LINGO1: variants seen among roughly 807,000 people sequenced by gnomAD.
LINGO1 encodes leucine rich repeat and Ig domain containing 1, also known as leucine-rich repeat and immunoglobulin-like domain-containing nogo receptor-interacting protein 1.
In LINGO1, 11 loss-of-function variants were observed where a neutral mutation model predicts 37.3. The ratio of observed to expected loss-of-function variants is 0.29; its 90% CI spans 0.19 to 0.49. The LOEUF is 0.49. LINGO1 is among the 20% of genes least tolerant of loss of function. The pLI, the probability that LINGO1 is intolerant of heterozygous loss-of-function variation, is 0.99. For synonymous variants in LINGO1, 387 were observed against 403.0 expected (o/e 0.96, Z 0.48); for missense variants, 585 against 878.2 (o/e 0.67, Z 4.22).
chr15:77,707,781 G>A (rs2075870396), intron 2 of LINGO1, among the ~76,000 whole-genome samples: 2 of 152,164 alleles, frequency 1.3e-5, no homozygotes, highest in Non-Finnish European at 2.9e-5. Context: ...CCCTGGGGAA[G>A]GCTCTGACCA....
chr15:77,709,456 G>A (rs1033804096), intron 2 of LINGO1, among the ~76,000 whole-genome samples: 51 of 152,240 alleles, frequency 3.3e-4, no homozygotes, highest in African/African-American at 1.2e-3. Flanking sequence ...GCACAAAGTG[G>A]CCAGTCAGGG....
chr15:77,614,548 C>A lies in LINGO1; in HGVS notation c.1359G>T (p.Pro453=). 1 of 1,609,992 alleles carries A rather than the reference C, an allele frequency of 6.2e-7. No individual in the cohort carries two copies. The highest frequency in any genetic ancestry group is 8.5e-7 in the Non-Finnish European group (1 of 1,179,232). ...QFVCRADGDP[P]PAILWLSPRK... ...GGGGTGAGAGCCAGAGGATGGCGGG[C>A]GGCGGGTCGCCATCGGCCCGGCACA... is the stretch of plus-strand genomic sequence containing the variant. The change falls in exon 2 of 2, where the codon CCG becomes CCT. Residue 453 remains proline, a synonymous_variant. Coordinates refer to ENST00000355300, the MANE Select transcript of LINGO1 (RefSeq NM_032808.7).
chr15:77,670,870 G>C (rs1291521511), intron 3 of LINGO1, among the ~76,000 whole-genome samples: 1 of 152,212 alleles, frequency 6.6e-6, no homozygotes, highest in African/African-American at 2.4e-5. Flanking sequence ...TCAGAATCAA[G>C]TCCACCTGCT....
At chr15:77,663,148 T>A (rs1175833730) in intron 3 of LINGO1, among the ~76,000 whole-genome samples, 2 of 152,114 alleles carry the variant, frequency 1.3e-5, no homozygotes. Flanking sequence ...AAATCAACCA[T>A]CTCTTCCTGC....
intron 3 of LINGO1, among the ~76,000 whole-genome samples, chr15:77,656,247 T>C (rs2074862412): frequency 6.6e-6 from 1 of 152,126 alleles, no homozygotes; most frequent in African/African-American, 2.4e-5. Flanking sequence ...GACTGAGCTT[T>C]GGGGAAAGGA....
At chr15:77,651,669 T>C (rs1215015779) in intron 3 of LINGO1, 1 of 152,188 alleles carries the variant, frequency 6.6e-6, no homozygotes, top group Non-Finnish European at 1.5e-5. Flanking sequence ...TTGAAGTCCT[T>C]GAAATCACAC....
intron 1 of LINGO1, among the ~76,000 whole-genome samples, chr15:77,759,978 G>A (rs1275967888): frequency 6.6e-6 from 1 of 152,238 alleles, no homozygotes; most frequent in African/African-American, 2.4e-5. Context: ...GGAGGGAGGG[G>A]ATGTGGCCCG....
intron 1 of LINGO1, among the ~76,000 whole-genome samples, chr15:77,764,742 G>C (rs1053145409): frequency 6.6e-6 from 1 of 152,162 alleles, no homozygotes; most frequent in Non-Finnish European, 1.5e-5. Context: ...GCAAGCACTG[G>C]GGGGAACGAT....
At chr15:77,765,155 C>T (rs2076514903) in intron 1 of LINGO1, among the ~76,000 whole-genome samples, 1 of 152,168 alleles carries the variant, frequency 6.6e-6, no homozygotes, top group African/African-American at 2.4e-5. Flanking sequence ...TGGCTCATGC[C>T]TGTAATCCCA....
At chr15:77,685,700 A>AAC (rs1232925438) in intron 2 of LINGO1, among the ~76,000 whole-genome samples, 4 of 151,382 alleles carry the variant, frequency 2.6e-5, no homozygotes, top group Admixed American at 2.0e-4. Flanking sequence ...TTAAAAAAAA[A>AAC]AAAAACGCCA....
In LINGO1 at chr15:77,615,835, C is replaced by T. The variant is rs375328968; in HGVS notation, c.72G>A (p.Gln24=). The T allele has an allele frequency of 5.3e-6, 8 of 1,516,144 alleles. No individual in the cohort carries two copies. Among genetic ancestry groups the T allele is most frequent in the Non-Finnish European group, 7.0e-6 (8 of 1,140,736 alleles). The allele number at this position is 1,516,144 out of a possible 1,614,324, so 93.9% of individuals were successfully genotyped here. ...AGCCCAGCACCAGCAGGAGGATGGG[C>T]TGCCAGCAGGCCAGGAGGGGGCTGG... ...SMPSPLLACW[Q]PILLLVLGSV... Residue 24 remains glutamine (Q), a synonymous_variant, in exon 2 of 2, where the codon CAG becomes CAA. Transcript: ENST00000355300.
At chr15:77,753,428 C>T (rs554535535) in intron 1 of LINGO1, among the ~76,000 whole-genome samples, 3 of 152,332 alleles carry the variant, frequency 2.0e-5, no homozygotes, top group East Asian at 3.9e-4. Flanking sequence ...GGAGACTCTG[C>T]GGGCCTGGCT....
At chr15:77,810,288 A>G (rs535387999) in intron 1 of LINGO1, among the ~76,000 whole-genome samples, 6 of 46,198 alleles carry the variant, frequency 1.3e-4, no homozygotes, top group East Asian at 6.3e-4. Flanking sequence ...ATACACAAGC[A>G]CACACACACG....
intron 1 of LINGO1, among the ~76,000 whole-genome samples, chr15:77,812,163 G>A (rs1029439102): frequency 6.6e-6 from 1 of 152,180 alleles, no homozygotes; most frequent in South Asian, 2.1e-4. Context: ...GAAGCCAGAT[G>A]CTGCCCTTTA....
chr15:77,703,787 C>T (rs1447468159), intron 2 of LINGO1, among the ~76,000 whole-genome samples: 3 of 152,108 alleles, frequency 2.0e-5, no homozygotes, highest in Non-Finnish European at 2.9e-5. Context: ...TGCCTGCATG[C>T]CTCAGACCTT....
At position 77,803,343 on chromosome 15, in the gene LINGO1, G is replaced by A. The variant is rs190417951; in HGVS notation, c.-457-7290C>T. Among the ~76,000 whole-genome samples, 182 of 152,240 alleles carry A rather than the reference G, an allele frequency of 1.2e-3. 1 individual carries two copies. The highest frequency in any genetic ancestry group is 2.2e-3 in the Non-Finnish European group (150 of 68,018). ...CACACCTCTAGTCCCAGCTACTCAG[G>A]AGGCTGAGGTGGCAGGATCGCTTGA... On this transcript the variant is annotated intron_variant, in intron 1 of 5. Coordinates refer to the LINGO1 transcript ENST00000562933.
At chr15:77,714,747 C>A (rs977949940) in intron 2 of LINGO1, among the ~76,000 whole-genome samples, 2 of 152,220 alleles carry the variant, frequency 1.3e-5, no homozygotes, top group African/African-American at 4.8e-5. Context: ...CTCTTCCTCC[C>A]GCGATAAGCC....
At chr15:77,729,773 T>A (rs2076137477) in intron 2 of LINGO1, among the ~76,000 whole-genome samples, 1 of 152,232 alleles carries the variant, frequency 6.6e-6, no homozygotes, top group Non-Finnish European at 1.5e-5. Context: ...GATAGTTCCC[T>A]TTTCATTCTG....
intron 1 of LINGO1, among the ~76,000 whole-genome samples, chr15:77,738,088 G>A (rs989244902): frequency 1.9e-4 from 29 of 151,788 alleles, no homozygotes; most frequent in East Asian, 7.7e-4. Flanking sequence ...TTTCTCCCTC[G>A]GCCCATACCC....
Sources: allele counts gnomAD v4.1 joint callset (sites outside exome capture counted in the v4.1 genomes callset), GRCh38; gene constraint gnomAD v4.1.1; transcripts MANE v1.5; gene names NCBI Gene and HGNC (gene_info 2026-07-23, HGNC 2026-07-21).